The following SERINC2 variants were observed in gnomAD, a reference collection of about 807,000 sequenced individuals.
SERINC2 encodes tumor differentially expressed protein 2.
In SERINC2, 56 loss-of-function variants were observed where a neutral mutation model predicts 54.2. The observed-to-expected ratio is 1.03, with a 90% CI of 0.83 to 1.29. The LOEUF is 1.29. Ranked by LOEUF, SERINC2 falls within the 50% of genes most tolerant of loss-of-function variation. The pLI is 0.00. For missense variants in SERINC2, 614 were observed against 607.4 expected (o/e 1.01, Z -0.12); for synonymous variants, 272 against 253.1 (o/e 1.07, Z -0.71).
intron 1 of SERINC2, among the ~76,000 whole-genome samples, chr1:31,421,305 T>C (rs542557532): frequency 1.6e-4 from 24 of 152,184 alleles, no homozygotes; most frequent in Admixed American, 7.2e-4. Flanking sequence ...GTGTCTTCCC[T>C]GAAATTGGCT....
intron 1 of SERINC2, among the ~76,000 whole-genome samples, chr1:31,416,752 GCT>G (rs34101727): frequency 0.069 from 10,538 of 152,094 alleles, 520 homozygotes; most frequent in East Asian, 0.23. Context: ...ATGAAGTCTT[GCT>G]CTGTTGTCCA....
rs538712082 is a variant in SERINC2 at position 31,424,660 on chromosome 1, C to T, written c.202-23C>T. 2.1e-5 allele frequency: 33 copies of T among 1,557,342 alleles called. No homozygotes were observed. The Admixed American group carries it at 2.5e-4, about 12-fold the overall frequency. ...GGTTCTGTGAGAGGTGGGGCTTTGACGCTGCTCTGTCTGTCTCCACAGCTG... is the reference window on the plus strand; with the variant it reads ...GGTTCTGTGAGAGGTGGGGCTTTGATGCTGCTCTGTCTGTCTCCACAGCTG... On this transcript the variant is annotated intron_variant, in intron 2 of 9. Coordinates refer to ENST00000373709, the MANE Select transcript of SERINC2 (RefSeq NM_178865.5).
chr1:31,432,963 G>C lies in SERINC2; in HGVS notation c.1014-4G>C, dbSNP rs879955226. 1.9e-6 allele frequency: 3 copies of C among 1,605,126 alleles called. No homozygotes were observed. Among genetic ancestry groups the C allele is most frequent in the Non-Finnish European group, 2.5e-6 (3 of 1,176,530 alleles). ...ATTTGCCCACCTTCCTCCCTCCCCT[G>C]CAGTCTGCGCTCCTCAGACCACCGG... On this transcript the variant is annotated splice_polypyrimidine_tract_variant and splice_region_variant and intron_variant, in intron 8 of 9. Coordinates refer to ENST00000373709, the MANE Select transcript of SERINC2 (RefSeq NM_178865.5).
At chr1:31,420,057 A>ATCAGTGCCAC (rs1457055450) in intron 1 of SERINC2, among the ~76,000 whole-genome samples, 1 of 152,152 alleles carries the variant, frequency 6.6e-6, no homozygotes, top group East Asian at 1.9e-4. Flanking sequence ...TGCCACAATG[A>ATCAGTGCCAC]ATTTCCATGT....
chr1:31,410,204 C>T (rs2148507316), upstream of SERINC2: 7 of 1,440,896 alleles, frequency 4.9e-6, no homozygotes, highest in South Asian at 1.1e-4. Context: ...TGTGACTGTG[C>T]TTTTGGGGGT....
At chr1:31,431,409 G>T (rs1641194576) in intron 8 of SERINC2, among the ~76,000 whole-genome samples, 1 of 151,724 alleles carries the variant, frequency 6.6e-6, no homozygotes, top group South Asian at 2.1e-4. Context: ...TTACAGGAGT[G>T]CACCACTCCT....
chr1:31,425,937 G>A (rs782540358), intron 5 of SERINC2, 24 bp downstream of exon 5: 76 of 1,603,698 alleles, frequency 4.7e-5, no homozygotes, highest in South Asian at 1.9e-4. Context: ...CCCTGCCTCC[G>A]TGTGGGGACT....
At chr1:31,412,069 T>C (rs1343851827), upstream of SERINC2, among the ~76,000 whole-genome samples, 1 of 136,282 alleles carries the variant, frequency 7.3e-6, no homozygotes, top group African/African-American at 2.8e-5. Context: ...GGAGGAAAAG[T>C]ATAGGGTGTG....
intron 1 of SERINC2, among the ~76,000 whole-genome samples, chr1:31,421,982 CTTA>C (rs1279395445): frequency 3.3e-5 from 5 of 152,156 alleles, no homozygotes; most frequent in Admixed American, 6.5e-5. Flanking sequence ...CTGCTCTCAG[CTTA>C]TTATTTTATT....
chr1:31,415,958 C>T (rs1015610701), intron 1 of SERINC2: 29 of 971,668 alleles, frequency 3.0e-5, no homozygotes, highest in Non-Finnish European at 3.2e-5. Flanking sequence ...GGGGATGGGG[C>T]CACCAGGCAA....
At chr1:31,430,787 T>C (rs7541464) in intron 8 of SERINC2, among the ~76,000 whole-genome samples, 49,151 of 152,036 alleles carry the variant, frequency 0.32, 12,008 homozygotes, top group African/African-American at 0.69. Flanking sequence ...AGGCAGACCC[T>C]GAGTTTGCCT....
At position 31,434,464 on chromosome 1, in the gene SERINC2, C is replaced by T; in HGVS notation, c.*265C>T. The T allele has an allele frequency of 2.0e-6, 1 of 497,390 alleles. No homozygotes were observed. The highest frequency in any genetic ancestry group is 3.6e-6 in the Non-Finnish European group (1 of 278,966). 30.8% of individuals were successfully genotyped at this position (497,390 alleles called of 1,614,324 possible). A position where few individuals can be genotyped will look rare whatever the true frequency, so the allele number is the denominator to read the frequency against. On this transcript the variant is annotated 3_prime_UTR_variant, in exon 10 of 10. Transcript: ENST00000373709. ...CTTCCCCTCCTCCCTGTTGCCCATA[C>T]TCAGCATCTCGGATGAAAGGGCTCC...
intron 1 of SERINC2, among the ~76,000 whole-genome samples, chr1:31,419,152 G>C (rs1640847417): frequency 6.6e-6 from 1 of 152,152 alleles, no homozygotes; most frequent in Non-Finnish European, 1.5e-5. Flanking sequence ...CGTAGTGTGG[G>C]AACAGCTTTC....
In SERINC2 at chr1:31,428,980, C is replaced by A. The variant is rs558799797; in HGVS notation, c.783C>A (p.Asp261Glu). ...CTTACCAGGGGTCCTCTTGCCAGGA[C>A]GCCCAGCCCAACTCGGGTCTGCTGC... is the stretch of plus-strand genomic sequence containing the variant. ...SIAAVLPKVQDAQPNSGLLQA... is the reference protein window; with the variant it reads ...SIAAVLPKVQEAQPNSGLLQA... Residue 261 changes from aspartate to glutamate, a missense_variant and splice_region_variant, in exon 7 of 10, where the codon GAC becomes GAA. By Grantham distance (45) the Asp-to-Glu change is conservative. Transcript: ENST00000373709. 1.1e-5 allele frequency: 18 copies of A among 1,613,606 alleles called. No homozygotes were observed. The highest frequency in any genetic ancestry group is 1.7e-4 in the Middle Eastern group (1 of 6,058).
At chr1:31,432,230 G>GGGTGGAGAGGGT (rs1553134789) in intron 8 of SERINC2, among the ~76,000 whole-genome samples, 3 of 151,566 alleles carry the variant, frequency 2.0e-5, no homozygotes, top group Admixed American at 6.6e-5. Context: ...AGGGTGGATA[G>GGGTGGAGAGGGT]GGACCCACTG....
chr1:31,418,827 A>AATGCCAAACGACTC (rs1553132505), intron 1 of SERINC2, among the ~76,000 whole-genome samples: 4 of 152,204 alleles, frequency 2.6e-5, no homozygotes, highest in Non-Finnish European at 5.9e-5. Flanking sequence ...CTGTTCACAT[A>AATGCCAAACGACTC]ATGCCAAACG....
chr1:31,429,649 A>C, intron 8 of SERINC2, 111 bp downstream of exon 8: 1 of 1,203,458 alleles, frequency 8.3e-7, no homozygotes, highest in Non-Finnish European at 1.2e-6. Context: ...CTTCACATTC[A>C]ATATATCCAG....
upstream of SERINC2, among the ~76,000 whole-genome samples, chr1:31,412,698 G>A (rs2148508867): frequency 6.6e-6 from 1 of 152,298 alleles, no homozygotes; most frequent in Non-Finnish European, 1.5e-5. Flanking sequence ...CAGTGACGAT[G>A]GGGGCTTACA....
intron 1 of SERINC2, among the ~76,000 whole-genome samples, chr1:31,417,849 A>ATTTTTTTT (rs1640815588): frequency 1.5e-5 from 1 of 65,850 alleles, no homozygotes; most frequent in Non-Finnish European, 2.9e-5. Context: ...TCAAAATTTC[A>ATTTTTTTT]TTCTTTTTTT....
Sources: gnomAD v4.1 joint callset for allele counts (sites outside exome capture counted in the v4.1 genomes callset) on GRCh38, gnomAD v4.1.1 for gene constraint, MANE v1.5 for transcripts, NCBI Gene and HGNC (gene_info 2026-07-23, HGNC 2026-07-21) for gene names.